MCF2: variants seen among roughly 807,000 people sequenced by gnomAD.
The protein encoded by MCF2 is MCF.2 cell line derived transforming sequence, also known as proto-oncogene DBL.
MCF2 carries 44 observed loss-of-function variants against 82.5 expected under a neutral mutation model. The ratio of observed to expected loss-of-function variants is 0.53; its 90% CI spans 0.42 to 0.69. MCF2 has a LOEUF of 0.69. Among genes scored for constraint, MCF2 ranks in the 30% least tolerant of loss-of-function variants. MCF2 has a pLI of 0.00. For missense variants in MCF2, 623 were observed against 663.1 expected (o/e 0.94, Z 0.66); for synonymous variants, 217 against 224.9 (o/e 0.96, Z 0.32).
chrX:139,621,831 T>C (rs1442607398), intron 6 of MCF2, among the ~76,000 whole-genome samples: 1 of 111,522 alleles, frequency 9.0e-6, no homozygotes, highest in Non-Finnish European at 1.9e-5. Context: ...AAGGACTTCA[T>C]GTCTAAAACA....
rs777442147 is a variant in MCF2 at position 139,626,357 on chromosome X, T to C, written c.573-50A>G. ...TTCCTAAAAGCAACTATCTGTTTTGTAAGTATGTAGATAAGTGTGGTCTGG... is the reference window on the plus strand; with the variant it reads ...TTCCTAAAAGCAACTATCTGTTTTGCAAGTATGTAGATAAGTGTGGTCTGG... On this transcript the variant is annotated intron_variant, in intron 5 of 24. Coordinates refer to ENST00000370576, the Ensembl canonical transcript of MCF2. 1.7e-5 allele frequency: 13 copies of C among 784,191 alleles called. No individual in the cohort carries two copies. In the African/African-American group the frequency reaches 2.7e-4, roughly 16 times the overall value. 64.6% of individuals were successfully genotyped at this position (784,191 alleles called of 1,213,427 possible).
chrX:139,642,907 T>C, upstream of MCF2: 1 of 732,228 alleles, frequency 1.4e-6, no homozygotes, highest in Non-Finnish European at 1.7e-6. Flanking sequence ...TGGGACTGGC[T>C]TTCTCCTCTG....
chrX:139,688,172 A>T (rs1935173942), intron 1 of MCF2, among the ~76,000 whole-genome samples: 1 of 111,990 alleles, frequency 8.9e-6, no homozygotes, highest in African/African-American at 3.2e-5. Flanking sequence ...CCCATTTAGT[A>T]TAGGGACAAA....
In MCF2 at chrX:139,582,655, A is replaced by G. The variant is rs187300012; in HGVS notation, c.2746-152T>C. 2.0e-4 allele frequency: 79 copies of G among 385,857 alleles called. 1 individual carries two copies. In the Admixed American group the frequency reaches 3.4e-3, roughly 17 times the overall value. 31.8% of individuals were successfully genotyped at this position (385,857 alleles called of 1,213,427 possible). ...TTTTATATGTTTTCCTTAGTAGCAC[A>G]TCTCAGAGAATTATTGGACAAAGAG... On this transcript the variant is annotated intron_variant, in intron 24 of 24. Transcript: ENST00000370576.
exon 25 of MCF2, chrX:139,582,269 G>A (rs774910372): frequency 2.2e-6 from 1 of 462,549 alleles, no homozygotes; most frequent in South Asian, 3.3e-5. Context: ...TTAAATACAT[G>A]ATTTTAAAAA....
At chrX:139,593,625 C>T (rs1929736983) in intron 19 of MCF2, among the ~76,000 whole-genome samples, 1 of 111,057 alleles carries the variant, frequency 9.0e-6, no homozygotes, top group African/African-American at 3.3e-5. Flanking sequence ...AACATTGATG[C>T]AAAAATCTTC....
intron 1 of MCF2, among the ~76,000 whole-genome samples, chrX:139,665,640 T>C (rs1934487990): frequency 9.1e-6 from 1 of 109,950 alleles, no homozygotes; most frequent in African/African-American, 3.3e-5. Flanking sequence ...CCTGGTATTA[T>C]GAATGCTCAC....
chrX:139,678,537 CA>C (rs1223781737), intron 1 of MCF2, among the ~76,000 whole-genome samples: 1 of 111,683 alleles, frequency 9.0e-6, no homozygotes, highest in Non-Finnish European at 1.9e-5. Flanking sequence ...TGAGACAGTC[CA>C]AAACCTGACT....
At chrX:139,675,071 T>C (rs990440783) in intron 1 of MCF2, among the ~76,000 whole-genome samples, 2 of 112,466 alleles carry the variant, frequency 1.8e-5, no homozygotes, top group Non-Finnish European at 3.8e-5. Context: ...ATTAACTTCA[T>C]CTTCAATCAT....
At chrX:139,652,668 C>A (rs1416795801) in intron 1 of MCF2, among the ~76,000 whole-genome samples, 1 of 111,381 alleles carries the variant, frequency 9.0e-6, no homozygotes, top group Non-Finnish European at 1.9e-5. Flanking sequence ...GAAAACGGGT[C>A]ATCAAACTAG....
At chrX:139,683,710 C>T (rs1975816446) in intron 1 of MCF2, among the ~76,000 whole-genome samples, 1 of 111,374 alleles carries the variant, frequency 9.0e-6, no homozygotes, top group Non-Finnish European at 1.9e-5. Flanking sequence ...TCCAGGGCAC[C>T]AAGACATTTC....
At chrX:139,612,540 G>GAA (rs368901985) in intron 10 of MCF2, among the ~76,000 whole-genome samples, 1 of 97,594 alleles carries the variant, frequency 1.0e-5, no homozygotes, top group African/African-American at 3.7e-5. Context: ...AATGCAAAAA[G>GAA]AAAAAAAAAA....
At chrX:139,614,587 C>T (rs1931753160) in intron 10 of MCF2, among the ~76,000 whole-genome samples, 1 of 109,777 alleles carries the variant, frequency 9.1e-6, no homozygotes, top group African/African-American at 3.3e-5. Flanking sequence ...CCTTCACCTG[C>T]TGGAAAAAAA....
chrX:139,642,767 C>T, exon 1 of MCF2: 1 of 1,035,358 alleles, frequency 9.7e-7, no homozygotes, highest in Non-Finnish European at 1.2e-6. Context: ...TTAACACATT[C>T]CTCCAATTAC....
At chrX:139,605,675 C>T (rs763000301) in intron 13 of MCF2, 38 bp downstream of exon 17, 3 of 1,121,140 alleles carry the variant, frequency 2.7e-6, no homozygotes, top group East Asian at 3.1e-5. Flanking sequence ...AGGGATCATT[C>T]GGGAAAAGAT....
chrX:139,588,296 A>T (rs1929162837), intron 21 of MCF2, 64 bp downstream of exon 25: 1 of 865,736 alleles, frequency 1.2e-6, no homozygotes, highest in African/African-American at 2.0e-5. Flanking sequence ...AAAATAATTT[A>T]AAAATCTGAG....
exon 25 of MCF2, chrX:139,582,399 G>C (rs774697938): frequency 3.0e-5 from 33 of 1,107,994 alleles, no homozygotes; most frequent in Non-Finnish European, 3.9e-5. Flanking sequence ...AATGTCTTTT[G>C]CGCAGTATTT....
intron 1 of MCF2, among the ~76,000 whole-genome samples, chrX:139,668,864 C>CAT (rs1434275742): frequency 1.8e-5 from 2 of 110,426 alleles, no homozygotes; most frequent in East Asian, 2.8e-4. Context: ...CTACATATGT[C>CAT]ATATATATAT....
intron 1 of MCF2, among the ~76,000 whole-genome samples, chrX:139,695,133 C>A (rs1935356961): frequency 9.2e-6 from 1 of 108,887 alleles, no homozygotes; most frequent in Non-Finnish European, 1.9e-5. Flanking sequence ...TGGGTTCAAG[C>A]AATTCTGCTG....
Sources: allele counts gnomAD v4.1 joint callset (sites outside exome capture counted in the v4.1 genomes callset), GRCh38; gene constraint gnomAD v4.1.1; transcripts MANE v1.5; gene names NCBI Gene and HGNC (gene_info 2026-07-23, HGNC 2026-07-21).